VIPR1: variants seen among roughly 807,000 people sequenced by gnomAD.
VIPR1 encodes the protein vasoactive intestinal peptide receptor 1, also known as vasoactive intestinal polypeptide receptor 1.
A neutral mutation model predicts 58.8 loss-of-function variants in VIPR1; 59 were observed. That is an observed-to-expected ratio of 1.00 (90% confidence interval 0.81 to 1.25). VIPR1 has a LOEUF of 1.25. Among genes scored for constraint, VIPR1 ranks in the 50% most tolerant of loss-of-function variants. VIPR1 has a pLI of 0.00. For synonymous variants in VIPR1, 251 were observed against 242.1 expected (o/e 1.04, Z -0.34); for missense variants, 626 against 602.7 (o/e 1.04, Z -0.40).
chr3:42,506,993 A>C (rs1443653969), intron 1 of VIPR1: 2 of 152,222 alleles, frequency 1.3e-5, no homozygotes, highest in African/African-American at 2.4e-5. Context: ...GTTAACATCT[A>C]ACAATTAATA....
At chr3:42,522,174 C>G (rs1201827760) in intron 3 of VIPR1, among the ~76,000 whole-genome samples, 1 of 131,072 alleles carries the variant, frequency 7.6e-6, no homozygotes, top group Non-Finnish European at 1.6e-5. Flanking sequence ...TGCAGTGGCA[C>G]TATCTCTGCT....
Position 42,536,245 on chromosome 3 carries a change from C to G in VIPR1, c.1338C>G (p.Arg446=), listed in dbSNP as rs758834195. 1.1e-5 allele frequency: 17 copies of G among 1,584,856 alleles called. No homozygotes were observed. Among genetic ancestry groups the G allele is most frequent in the South Asian group, 4.6e-5 (4 of 87,650 alleles). ...MLTRVSPGAR[R]SSSFQAEVSL... ...CCCGCGTCAGCCCAGGTGCCCGCCG[C>G]TCCTCCAGCTTCCAAGCCGAAGTCT... Residue 446 remains arginine (R), a synonymous_variant, in exon 13 of 13, where the codon CGC becomes CGG. Coordinates refer to ENST00000325123, the MANE Select transcript of VIPR1 (RefSeq NM_004624.4).
In VIPR1 at chr3:42,532,338, G is replaced by A. The variant is rs1701614238; in HGVS notation, c.1010+5G>A. 6.2e-7 allele frequency: 1 copy of A among 1,613,930 alleles called. No individual in the cohort carries two copies. Among genetic ancestry groups the A allele is most frequent in the Non-Finnish European group, 8.5e-7 (1 of 1,179,844 alleles). On this transcript the variant is annotated splice_donor_5th_base_variant and intron_variant, in intron 10 of 12. Coordinates refer to ENST00000325123, the MANE Select transcript of VIPR1 (RefSeq NM_004624.4). ...GAGTGACAGCAGTCCATACTCGTGA[G>A]TGTGGGCCTAGTGCCTCAGCCCCCA...
At chr3:42,524,376 G>T (rs1423797458) in intron 3 of VIPR1, among the ~76,000 whole-genome samples, 1 of 152,242 alleles carries the variant, frequency 6.6e-6, no homozygotes, top group Non-Finnish European at 1.5e-5. Flanking sequence ...CAACAGTGAG[G>T]TTGGGAGCCC....
chr3:42,536,973 C>T lies in VIPR1; in HGVS notation c.*692C>T, dbSNP rs1701892938. The T allele has an allele frequency of 6.6e-6, 1 of 152,172 alleles. No individual in the cohort carries two copies. 9.4% of individuals were successfully genotyped at this position (152,172 alleles called of 1,614,324 possible). ...ACCCAAGGACTGAGGGACTCTGAAG[C>T]CTCTGGGAAATGAGAAGGCAGCCAC... On this transcript the variant is annotated 3_prime_UTR_variant, in exon 13 of 13. Transcript: ENST00000325123.
chr3:42,497,691 T>A (rs1457724891), upstream of VIPR1, among the ~76,000 whole-genome samples: 6 of 152,076 alleles, frequency 3.9e-5, no homozygotes, highest in African/African-American at 1.2e-4. Flanking sequence ...ATGGGGGCGG[T>A]TTCCCCGATA....
At position 42,536,574 on chromosome 3, in the gene VIPR1, A is replaced by C. The variant is rs988784519; in HGVS notation, c.*293A>C. The C allele has an allele frequency of 1.6e-4, 56 of 343,958 alleles. No homozygotes were observed. The highest frequency in any genetic ancestry group is 1.9e-4 in the Non-Finnish European group (36 of 191,986). The allele number at this position is 343,958 out of a possible 1,614,324, so 21.3% of individuals were successfully genotyped here. On this transcript the variant is annotated 3_prime_UTR_variant, in exon 13 of 13. Transcript: ENST00000325123. The stretch of plus-strand genomic sequence containing the variant: ...GCCCCCTACGCCAATCAAGGGCAAA[A>C]AGTCTACATACTTTCATCCTGACTC...
At chr3:42,527,815 A>G (rs1040733508) in intron 5 of VIPR1, 176 bp from the exon 6 acceptor site, 15 of 930,668 alleles carry the variant, frequency 1.6e-5, no homozygotes, top group Admixed American at 4.8e-5. Context: ...GCACAGGTGG[A>G]TGGGGTACCT....
chr3:42,498,328 A>G (rs1245890508), upstream of VIPR1, among the ~76,000 whole-genome samples: 1 of 152,210 alleles, frequency 6.6e-6, no homozygotes, highest in Non-Finnish European at 1.5e-5. Context: ...TAAGGCTTCT[A>G]TTCCAGCCTT....
At chr3:42,506,987 AC>A (rs1181309483) in intron 1 of VIPR1, 1 of 152,218 alleles carries the variant, frequency 6.6e-6, no homozygotes, top group African/African-American at 2.4e-5. Context: ...ACAATTGTTA[AC>A]ATCTAACAAT....
intron 5 of VIPR1, 139 bp from the exon 6 acceptor site, chr3:42,527,852 G>A (rs1418741214): frequency 8.0e-7 from 1 of 1,248,312 alleles, no homozygotes; most frequent in African/African-American, 1.5e-5. Flanking sequence ...TTTCAGGATG[G>A]GATCCCCTTT....
intron 10 of VIPR1, chr3:42,533,439 C>A (rs1701681168): frequency 1.3e-5 from 2 of 150,302 alleles, no homozygotes; most frequent in East Asian, 2.0e-4. Flanking sequence ...ACGGGGGGGG[C>A]ATCTGCAGTC....
At chr3:42,530,410 A>G (rs1701470272) in intron 6 of VIPR1, 1 of 223,628 alleles carries the variant, frequency 4.5e-6, no homozygotes, top group African/African-American at 2.2e-5. Context: ...GGATGGACAC[A>G]TGGATAAAAA....
chr3:42,491,647 T>G (rs1174020302), intron 1 of VIPR1, among the ~76,000 whole-genome samples: 1 of 152,196 alleles, frequency 6.6e-6, no homozygotes, highest in Non-Finnish European at 1.5e-5. Context: ...TGATCTCAGC[T>G]CACTGAAACC....
intron 2 of VIPR1, among the ~76,000 whole-genome samples, chr3:42,515,762 CTG>C (rs1469888949): frequency 8.5e-5 from 13 of 152,200 alleles, no homozygotes; most frequent in Non-Finnish European, 1.5e-4. Flanking sequence ...GTCTATAGCT[CTG>C]TGTCTGACTC....
intron 5 of VIPR1, chr3:42,527,741 G>T (rs1701310309): frequency 7.8e-6 from 5 of 640,738 alleles, no homozygotes; most frequent in Non-Finnish European, 1.3e-5. Context: ...AGAGAGTGGG[G>T]CCTGCACACA....
intron 9 of VIPR1, 127 bp from the exon 10 acceptor site, chr3:42,532,115 C>T: frequency 9.6e-7 from 1 of 1,041,924 alleles, no homozygotes; most frequent in Non-Finnish European, 1.5e-6. Flanking sequence ...GGGGAAATGC[C>T]AGAGGAGAGG....
chr3:42,492,687 A>T (rs2125622962), intron 1 of VIPR1, among the ~76,000 whole-genome samples: 1 of 152,330 alleles, frequency 6.6e-6, no homozygotes, highest in African/African-American at 2.4e-5. Flanking sequence ...CTGTCCAGGC[A>T]TTTGTTTTCA....
rs1156989047 is a variant in VIPR1 at position 42,530,780 on chromosome 3, TG to T, written c.641del (p.Gly214AlafsTer84). On this transcript the variant is annotated frameshift_variant and splice_region_variant, in exon 7 of 13. Coordinates refer to ENST00000325123, the MANE Select transcript of VIPR1 (RefSeq NM_004624.4). LOFTEE classifies it high-confidence loss of function. The stretch of plus-strand genomic sequence containing the variant: ...CCGTCTTTTCTCCTCCCCCTGCAGG[TG>T]GGCTGTAAGGCAGCCATGGTCTTTT... The part of the protein sequence containing the change: ...GESDQCSEGS[V>X]GCKAAMVFFQ... 1 of 1,613,836 alleles carries T rather than the reference TG, an allele frequency of 6.2e-7. No homozygotes were observed. The highest frequency in any genetic ancestry group is 8.5e-7 in the Non-Finnish European group (1 of 1,179,780).
Sources: allele counts gnomAD v4.1 joint callset (sites outside exome capture counted in the v4.1 genomes callset), GRCh38; gene constraint gnomAD v4.1.1; transcripts MANE v1.5; gene names NCBI Gene and HGNC (gene_info 2026-07-23, HGNC 2026-07-21).